The following HYDIN variants were observed in gnomAD, a reference collection of about 807,000 sequenced individuals.
HYDIN encodes the protein axonemal central pair apparatus protein HYDIN.
Under a neutral mutation model 403.9 loss-of-function variants are expected in HYDIN, and 132 were observed. That is an observed-to-expected ratio of 0.33 (90% confidence interval 0.28 to 0.38). The LOEUF (loss-of-function observed/expected upper bound fraction) is 0.38, where lower values mean the gene tolerates loss of function less well. Among genes scored for constraint, HYDIN ranks in the 10% least tolerant of loss-of-function variants. The pLI, the probability that HYDIN is intolerant of heterozygous loss-of-function variation, is 1.00. For missense variants in HYDIN, 2,827 were observed against 5,009.5 expected, an observed-to-expected ratio of 0.56 and a Z score of 13.15; for synonymous variants, 1,202 against 1,891.7, an observed-to-expected ratio of 0.64 and a Z score of 9.46.
intron 21 of HYDIN, among the ~76,000 whole-genome samples, chr16:71,021,009 T>C (rs2080468454): frequency 1.3e-5 from 2 of 151,102 alleles, no homozygotes; most frequent in Admixed American, 6.6e-5. Flanking sequence ...AAGTTAGTTA[T>C]ATCTTATGCA....
chr16:70,930,807 C>G (rs1316997928), intron 45 of HYDIN, among the ~76,000 whole-genome samples: 1 of 152,112 alleles, frequency 6.6e-6, no homozygotes, highest in Non-Finnish European at 1.5e-5. Flanking sequence ...CCTAAAATAT[C>G]AACATTCTTT....
rs2086795631 is a variant in HYDIN at position 71,179,001 on chromosome 16, G to A, written c.308C>T (p.Ser103Leu). 6.2e-7 allele frequency: 1 copy of A among 1,611,740 alleles called. No homozygotes were observed. The highest frequency in any genetic ancestry group is 8.5e-7 in the Non-Finnish European group (1 of 1,178,156). The change falls in exon 4 of 86, where the codon TCA (serine) becomes TTA (leucine). Residue 103 changes from serine (S) to leucine (L), a missense_variant. Ser to Leu is a moderately radical substitution (Grantham distance 145). Coordinates refer to ENST00000393567, the MANE Select transcript of HYDIN (RefSeq NM_001270974.2). The stretch of plus-strand genomic sequence containing the variant: ...AGTGTAGTTCTGAAATATAATTTCT[G>A]ATGGAAAGGGCTGGAATAATGCCTG... ...LDQALFQPFP[S>L]EIIFQNYTPC...
At chr16:70,878,593 T>C (rs1190604213) in intron 62 of HYDIN, among the ~76,000 whole-genome samples, 1 of 148,982 alleles carries the variant, frequency 6.7e-6, no homozygotes, top group Admixed American at 6.6e-5. Context: ...CTTCTACCTA[T>C]ACCTATGCTC....
intron 9 of HYDIN, among the ~76,000 whole-genome samples, chr16:71,118,204 CTGG>C (rs2084117365): frequency 1.3e-5 from 2 of 151,930 alleles, no homozygotes; most frequent in Non-Finnish European, 2.9e-5. Context: ...CTCTGAAGCC[CTGG>C]TACTGGGAAT....
chr16:70,945,667 C>T (rs1459182738), intron 41 of HYDIN, among the ~76,000 whole-genome samples: 1 of 152,098 alleles, frequency 6.6e-6, no homozygotes, highest in African/African-American at 2.4e-5. Context: ...GAAGGAGTTG[C>T]TAATGAGGTA....
intron 20 of HYDIN, among the ~76,000 whole-genome samples, chr16:71,026,387 T>C (rs1243628838): frequency 2.6e-5 from 4 of 152,196 alleles, no homozygotes; most frequent in Non-Finnish European, 5.9e-5. Flanking sequence ...CTCAATTATG[T>C]AGCATGATTT....
At chr16:71,014,481 C>G in intron 23 of HYDIN, among the ~76,000 whole-genome samples, 1 of 151,736 alleles carries the variant, frequency 6.6e-6, no homozygotes, top group Non-Finnish European at 1.5e-5. Context: ...TCATGATCCA[C>G]AGCCTTTGGT....
intron 18 of HYDIN, among the ~76,000 whole-genome samples, chr16:71,054,362 G>A (rs2081789966): frequency 6.6e-6 from 1 of 152,234 alleles, no homozygotes; most frequent in Admixed American, 6.5e-5. Context: ...ACTCATTGAA[G>A]CCTGAGAAAC....
intron 23 of HYDIN, among the ~76,000 whole-genome samples, chr16:71,002,046 T>C (rs910185923): frequency 1.3e-5 from 2 of 152,232 alleles, no homozygotes; most frequent in African/African-American, 2.4e-5. Context: ...TGGGTTTTAG[T>C]TGAATTCTGT....
rs1474354939 is a variant in HYDIN at position 71,230,631 on chromosome 16, GAC to G, written c.-95_-94del. The stretch of plus-strand genomic sequence containing the variant: ...GCCAAGACCCCGCGTCCAACTCACA[GAC>G]CCCGCCGCCGCTGAGGGGCTCCATA... On this transcript the variant is annotated 5_prime_UTR_variant, in exon 1 of 86. An upstream open reading frame in the 5' UTR gains an earlier in-frame stop. Coordinates refer to ENST00000393567, the MANE Select transcript of HYDIN (RefSeq NM_001270974.2). 1 of 1,535,938 alleles carries G rather than the reference GAC, an allele frequency of 6.5e-7. No homozygotes were observed. The highest frequency in any genetic ancestry group is 8.7e-7 in the Non-Finnish European group (1 of 1,146,880).
chr16:70,938,945 C>T (rs2143871722), intron 43 of HYDIN, among the ~76,000 whole-genome samples, 190 bp from the exon 44 acceptor site: 1 of 152,242 alleles, frequency 6.6e-6, no homozygotes, highest in South Asian at 2.1e-4. Flanking sequence ...CTGCAGGTGG[C>T]TGAACAGTGG....
intron 67 of HYDIN, among the ~76,000 whole-genome samples, chr16:70,864,750 G>T (rs2039642894): frequency 6.6e-6 from 1 of 151,978 alleles, no homozygotes; most frequent in South Asian, 2.1e-4. Flanking sequence ...TTTATAAAAA[G>T]AGTTCTCAGT....
intron 23 of HYDIN, among the ~76,000 whole-genome samples, chr16:71,004,903 C>A (rs2079846436): frequency 6.6e-6 from 1 of 151,834 alleles, no homozygotes; most frequent in Non-Finnish European, 1.5e-5. Flanking sequence ...GGTTATAAGA[C>A]CATTTAGATT....
chr16:71,005,175 G>A (rs1208367152), intron 23 of HYDIN, among the ~76,000 whole-genome samples: 26 of 152,140 alleles, frequency 1.7e-4, no homozygotes, highest in Admixed American at 1.6e-3. Flanking sequence ...TTCTACATAT[G>A]TCAATTATAG....
intron 23 of HYDIN, among the ~76,000 whole-genome samples, chr16:70,999,795 C>A (rs979795511): frequency 2.8e-4 from 43 of 151,800 alleles, no homozygotes; most frequent in Non-Finnish European, 5.1e-4. Context: ...AAAAGCAAGA[C>A]ACCATTGACC....
intron 73 of HYDIN, among the ~76,000 whole-genome samples, chr16:70,853,011 T>A (rs1446175197): frequency 1.5e-5 from 2 of 131,020 alleles, no homozygotes. Flanking sequence ...CCATCTCTAC[T>A]AAAAAAAAAA....
rs71387550 is a variant in HYDIN at position 70,931,210 on chromosome 16, G to GTTTTTTT, written c.7158+4735_7158+4741dup. On this transcript the variant is annotated intron_variant, in intron 45 of 85. Transcript: ENST00000393567. ...TGGGTTTTCTGTCTCTCTTTCTTCT[G>GTTTTTTT]TTTTTTTTTTTTTTTTTTTTTTTTT... 3.0e-4 allele frequency among the ~76,000 whole-genome samples: 18 copies of GTTTTTTT among 59,466 alleles called. 2 individuals are homozygous for GTTTTTTT. The highest frequency in any genetic ancestry group is 6.5e-4 in the African/African-American group (10 of 15,488). 39.0% of individuals were successfully genotyped at this position (59,466 alleles called of 152,430 possible). A position where few individuals can be genotyped will look rare whatever the true frequency, so the allele number is the denominator to read the frequency against.
intron 44 of HYDIN, among the ~76,000 whole-genome samples, chr16:70,937,854 C>T (rs905409618): frequency 2.0e-5 from 3 of 150,856 alleles, no homozygotes; most frequent in African/African-American, 7.3e-5. Context: ...ACCACTGCCC[C>T]CCACCCCATC....
In HYDIN at chr16:71,230,347, T is replaced by C. The variant is rs540903814; in HGVS notation, c.-24+215A>G. ...CAGGCCTTCTGCCCTTCAGGCTACC[T>C]GTCTGGCAGGGGAATCCCAAGAACA... On this transcript the variant is annotated intron_variant, in intron 1 of 85. Transcript: ENST00000393567. 2.0e-5 allele frequency among the ~76,000 whole-genome samples: 3 copies of C among 152,318 alleles called. No individual in the cohort carries two copies. In the South Asian group the frequency reaches 6.2e-4, roughly 32 times the overall value.
Sources: gnomAD v4.1 joint callset for allele counts (sites outside exome capture counted in the v4.1 genomes callset) on GRCh38, gnomAD v4.1.1 for gene constraint, MANE v1.5 for transcripts, NCBI Gene and HGNC (gene_info 2026-07-23, HGNC 2026-07-21) for gene names.